The following CKAP5 variants were observed in gnomAD, a reference collection of about 807,000 sequenced individuals.
CKAP5 encodes the protein cytoskeleton associated protein 5, also known as cytoskeleton-associated protein 5.
CKAP5 carries 27 observed loss-of-function variants against 232.8 expected under a neutral mutation model. The observed-to-expected ratio is 0.12, with a 90% CI of 0.09 to 0.16. The LOEUF is 0.16. Among genes scored for constraint, CKAP5 ranks in the 10% least tolerant of loss-of-function variants. The probability of loss-of-function intolerance (pLI) is 1.00; values close to 1 mark genes in which losing one functional copy is unlikely to be tolerated. For missense variants in CKAP5, 1,838 were observed against 2,424.7 expected (o/e 0.76, Z 5.08); for synonymous variants, 785 against 841.1 (o/e 0.93, Z 1.16).
At chr11:46,784,097 G>A (rs1180269792) in intron 17 of CKAP5, among the ~76,000 whole-genome samples, 1 of 151,850 alleles carries the variant, frequency 6.6e-6, no homozygotes, top group African/African-American at 2.4e-5. Flanking sequence ...GGCCGGGCAT[G>A]GTGGCTCACA....
chr11:46,744,658 A>C (rs1179074133), intron 42 of CKAP5, 81 bp from the exon 43 acceptor site: 2 of 1,291,096 alleles, frequency 1.5e-6, no homozygotes. Flanking sequence ...TCCCACCAAA[A>C]AGAACAATTA....
intron 32 of CKAP5, 98 bp from the exon 33 acceptor site, chr11:46,760,882 C>T: frequency 9.4e-7 from 1 of 1,063,958 alleles, no homozygotes; most frequent in Non-Finnish European, 1.4e-6. Context: ...GACATGTTTA[C>T]TTTCAAAGCA....
intron 1 of CKAP5, among the ~76,000 whole-genome samples, chr11:46,827,803 A>G (rs1212932155): frequency 2.6e-5 from 4 of 152,334 alleles, no homozygotes; most frequent in Middle Eastern, 3.4e-3. Context: ...AAATTGTAGT[A>G]GAAACGGCAT....
At chr11:46,762,514 G>C (rs1477146807) in intron 31 of CKAP5, 113 bp downstream of exon 31, 2 of 1,291,792 alleles carry the variant, frequency 1.5e-6, no homozygotes, top group Non-Finnish European at 2.3e-6. Flanking sequence ...AAATCAGGAG[G>C]TTGGAATCAA....
At position 46,759,277 on chromosome 11, in the gene CKAP5, A is replaced by C. The variant is rs1253509666; in HGVS notation, c.4560T>G (p.Pro1520=). The C allele has an allele frequency of 1.2e-6, 2 of 1,612,602 alleles. No individual in the cohort carries two copies. Among genetic ancestry groups the C allele is most frequent in the Admixed American group, 3.4e-5 (2 of 59,678 alleles). Residue 1520 remains proline, a synonymous_variant, in exon 34 of 44, where the codon CCT becomes CCG. Coordinates refer to ENST00000529230, the MANE Select transcript of CKAP5 (RefSeq NM_001008938.4). ...LDDIFEPVLI[P]EPKIRAVSPH... ...GAAAGAGTTTAACTCACTTGGGTTC[A>C]GGAATAAGGACTGGCTCAAAAATGT... is the stretch of plus-strand genomic sequence containing the variant.
At chr11:46,791,665 C>T (rs1938727076) in intron 13 of CKAP5, among the ~76,000 whole-genome samples, 1 of 152,130 alleles carries the variant, frequency 6.6e-6, no homozygotes, top group South Asian at 2.1e-4. Flanking sequence ...CAGAGTGAGA[C>T]CCTGTCTCAA....
chr11:46,817,863 A>G (rs1332217092), intron 3 of CKAP5, among the ~76,000 whole-genome samples: 1 of 152,184 alleles, frequency 6.6e-6, no homozygotes, highest in Non-Finnish European at 1.5e-5. Flanking sequence ...CCTAATGAAC[A>G]AAGGGAGAAA....
chr11:46,828,249 C>G (rs1259151604), intron 1 of CKAP5, among the ~76,000 whole-genome samples: 2 of 131,306 alleles, frequency 1.5e-5, no homozygotes, highest in Non-Finnish European at 3.2e-5. Flanking sequence ...CTTTTCCTTA[C>G]TTGGGTGGGG....
At position 46,763,522 on chromosome 11, in the gene CKAP5, C is replaced by G; in HGVS notation, c.3646G>C (p.Asp1216His). The G allele has an allele frequency of 1.2e-6, 2 of 1,603,592 alleles. No individual in the cohort carries two copies. The highest frequency in any genetic ancestry group is 1.7e-6 in the Non-Finnish European group (2 of 1,176,590). The change falls in exon 29 of 44, where the codon GAC (aspartate) becomes CAC (histidine). Residue 1216 changes from aspartate to histidine, a missense_variant. Asp to His is a moderately conservative substitution (Grantham distance 81). Around this residue, in one of 6 missense-constraint regions of CKAP5, gnomAD observed 767 missense variants for 954.6 expected, o/e 0.80. Transcript: ENST00000529230. ...KWLQDEMFHSDFQHHNKALAV... is the reference protein window; with the variant it reads ...KWLQDEMFHSHFQHHNKALAV... ...AGGGCTTTGTTATGATGCTGAAAGT[C>G]TGAGTGAAACATCTCATCTTGTAAC...
chr11:46,813,827 T>C (rs1939330470), intron 4 of CKAP5, among the ~76,000 whole-genome samples: 1 of 152,018 alleles, frequency 6.6e-6, no homozygotes, highest in South Asian at 2.1e-4. Context: ...GACTAGAAAC[T>C]TGTAATTTAA....
intron 35 of CKAP5, among the ~76,000 whole-genome samples, chr11:46,756,754 A>ATC (rs1477870693): frequency 4.7e-4 from 60 of 128,080 alleles, no homozygotes; most frequent in African/African-American, 1.7e-3. Context: ...TGGACCTTGA[A>ATC]TTTTTTTTTT....
At chr11:46,767,688 AC>A in intron 26 of CKAP5, 25 bp from the exon 27 acceptor site, 1 of 1,412,498 alleles carries the variant, frequency 7.1e-7, no homozygotes, top group Non-Finnish European at 9.8e-7. Flanking sequence ...ATATATATAT[AC>A]TATAAACTTT....
intron 4 of CKAP5, among the ~76,000 whole-genome samples, chr11:46,814,596 A>G (rs2134680110): frequency 6.6e-6 from 1 of 152,324 alleles, no homozygotes; most frequent in East Asian, 1.9e-4. Context: ...TGATATAGAC[A>G]GTACTTGGGG....
At chr11:46,744,367 T>C (rs758748937) in intron 43 of CKAP5, 59 bp downstream of exon 43, 2 of 1,613,084 alleles carry the variant, frequency 1.2e-6, no homozygotes, top group Non-Finnish European at 1.7e-6. Context: ...TGGGCCAGCC[T>C]GCCTCGGACC....
intron 35 of CKAP5, chr11:46,758,629 G>C (rs2065129141): frequency 4.7e-6 from 1 of 213,080 alleles, no homozygotes; most frequent in Admixed American, 5.7e-5. Flanking sequence ...CCAGGAGTTT[G>C]GGGCTGCAAT....
intron 42 of CKAP5, among the ~76,000 whole-genome samples, chr11:46,749,690 A>T (rs1003677075): frequency 2.0e-5 from 3 of 151,968 alleles, no homozygotes; most frequent in African/African-American, 7.3e-5. Flanking sequence ...GCAGTGGCTC[A>T]TGAGCATCAT....
At chr11:46,829,365 C>T (rs1308183876) in intron 1 of CKAP5, among the ~76,000 whole-genome samples, 1 of 152,120 alleles carries the variant, frequency 6.6e-6, no homozygotes, top group Non-Finnish European at 1.5e-5. Flanking sequence ...AGACAGTCTA[C>T]TTACTGTCTC....
intron 18 of CKAP5, among the ~76,000 whole-genome samples, chr11:46,781,144 C>T (rs1387452728): frequency 2.6e-5 from 4 of 152,160 alleles, no homozygotes; most frequent in East Asian, 1.9e-4. Context: ...AGTCCCAAAA[C>T]CTGTTCCTCC....
chr11:46,831,371 G>C (rs557415275), intron 1 of CKAP5, among the ~76,000 whole-genome samples: 1 of 152,032 alleles, frequency 6.6e-6, no homozygotes, highest in South Asian at 2.1e-4. Flanking sequence ...TCATCCCATA[G>C]GCTACACTTC....
Sources: gnomAD v4.1 joint callset for allele counts (sites outside exome capture counted in the v4.1 genomes callset) on GRCh38, gnomAD v4.1.1 for gene constraint, gnomAD v4.1.1 regional missense constraint, MANE v1.5 for transcripts, NCBI Gene and HGNC (gene_info 2026-07-23, HGNC 2026-07-21) for gene names.